The following MYO16 variants were observed in gnomAD, a reference collection of about 807,000 sequenced individuals.
MYO16 encodes unconventional myosin-XVI.
A neutral mutation model predicts 205.3 loss-of-function variants in MYO16; 94 were observed. The observed-to-expected ratio is 0.46, with a 90% CI of 0.39 to 0.54. The LOEUF (loss-of-function observed/expected upper bound fraction) is 0.54, where lower values mean the gene tolerates loss of function less well. MYO16 is among the 20% of genes least tolerant of loss of function. The probability of loss-of-function intolerance (pLI) is 0.00; values close to 1 mark genes in which losing one functional copy is unlikely to be tolerated. For synonymous variants in MYO16, 988 were observed against 954.0 expected, an observed-to-expected ratio of 1.04 and a Z score of -0.66; for missense variants, 2,315 against 2,387.5, an observed-to-expected ratio of 0.97 and a Z score of 0.63.
intron 20 of MYO16, among the ~76,000 whole-genome samples, chr13:108,971,930 G>A (rs1884028606): frequency 6.6e-6 from 1 of 151,768 alleles, no homozygotes; most frequent in Admixed American, 6.6e-5. Context: ...GCTAGGCGTG[G>A]TGGCTCATGC....
intron 25 of MYO16, among the ~76,000 whole-genome samples, chr13:109,053,556 A>G (rs1222920706): frequency 6.6e-6 from 1 of 152,006 alleles, no homozygotes; most frequent in Non-Finnish European, 1.5e-5. Context: ...AGCAAAAACC[A>G]TCACACACTG....
chr13:108,979,323 A>G (rs929041806), intron 20 of MYO16, among the ~76,000 whole-genome samples: 6 of 151,810 alleles, frequency 4.0e-5, no homozygotes, highest in South Asian at 2.1e-4. Context: ...ATAAAGTATC[A>G]TCTCCTAAAT....
chr13:108,497,171 T>C, the MYO16 span, among the ~76,000 whole-genome samples: 6 of 152,278 alleles, frequency 3.9e-5, no homozygotes, highest in East Asian at 3.9e-4. Flanking sequence ...AGCCACATGA[T>C]TGAGGAGGGG....
chr13:109,195,390 T>G (rs1886085), intron 34 of MYO16, among the ~76,000 whole-genome samples: 34,014 of 152,094 alleles, frequency 0.22, 3,997 homozygotes, highest in Middle Eastern at 0.25. Flanking sequence ...ACAAGTGCTA[T>G]TTTGACTTTC....
At chr13:108,863,347 A>G (rs1878544434) in intron 11 of MYO16, among the ~76,000 whole-genome samples, 1 of 152,092 alleles carries the variant, frequency 6.6e-6, no homozygotes, top group Non-Finnish European at 1.5e-5. Flanking sequence ...ATTACTTTTC[A>G]TTAGATTAAG....
At chr13:108,655,199 A>G (rs1038460401) in intron 1 of MYO16, among the ~76,000 whole-genome samples, 6 of 152,204 alleles carry the variant, frequency 3.9e-5, no homozygotes, top group African/African-American at 1.4e-4. Flanking sequence ...AGGAAAAAAC[A>G]AAGGTTTCAT....
rs1344613683 is a variant in MYO16, at chr13:109,022,289, ATAATATACAAATATATATTTATATAT to A, written c.2796+2381_2796+2406del. Among the ~76,000 whole-genome samples, 43 of 125,040 alleles carry A rather than the reference ATAATATACAAATATATATTTATATAT, an allele frequency of 3.4e-4. 1 individual carries two copies. The highest frequency in any genetic ancestry group is 1.3e-3 in the African/African-American group (40 of 30,130). 82.0% of individuals were successfully genotyped at this position (125,040 alleles called of 152,430 possible). On this transcript the variant is annotated intron_variant, in intron 23 of 34. Coordinates refer to ENST00000457511, the MANE Select transcript of MYO16 (RefSeq NM_001198950.3). ...CATATACATATTTATATATACAAAT[ATAATATACAAATATATATTTATATAT>A]TATATACAAATATATATTTATATAT...
At chr13:109,169,983 A>G (rs2139890670) in intron 33 of MYO16, among the ~76,000 whole-genome samples, 1 of 152,348 alleles carries the variant, frequency 6.6e-6, no homozygotes, top group Non-Finnish European at 1.5e-5. Flanking sequence ...TATACACACA[A>G]CAATTCCTGA....
chr13:108,913,712 G>T (rs1474305037), intron 16 of MYO16, among the ~76,000 whole-genome samples: 4 of 152,190 alleles, frequency 2.6e-5, no homozygotes, highest in Non-Finnish European at 4.4e-5. Context: ...GCTGGAGGAG[G>T]ACTCCGTGCT....
intron 2 of MYO16, among the ~76,000 whole-genome samples, chr13:108,688,055 T>G (rs1409489046): frequency 1.3e-5 from 2 of 152,212 alleles, no homozygotes; most frequent in East Asian, 3.8e-4. Flanking sequence ...ATGTAGAGTT[T>G]ACTCTTAGAG....
At chr13:108,642,882 T>A (rs1246043250) in intron 1 of MYO16, among the ~76,000 whole-genome samples, 2 of 152,222 alleles carry the variant, frequency 1.3e-5, no homozygotes, top group Non-Finnish European at 2.9e-5. Flanking sequence ...TGACAGCACA[T>A]AACTGAATCC....
chr13:109,046,262 A>C (rs977414053), intron 23 of MYO16, among the ~76,000 whole-genome samples: 3 of 152,208 alleles, frequency 2.0e-5, no homozygotes, highest in Admixed American at 6.5e-5. Context: ...ATGGCTGATC[A>C]GCTTCCCATG....
At chr13:108,886,198 A>G (rs1391880090) in intron 13 of MYO16, among the ~76,000 whole-genome samples, 2 of 152,096 alleles carry the variant, frequency 1.3e-5, no homozygotes, top group Non-Finnish European at 2.9e-5. Context: ...CGTGTTAGCC[A>G]GGATGGTCTC....
intron 27 of MYO16, among the ~76,000 whole-genome samples, chr13:109,091,494 C>T (rs1375705147): frequency 6.6e-6 from 1 of 152,106 alleles, no homozygotes; most frequent in Non-Finnish European, 1.5e-5. Context: ...ATCTTGATGC[C>T]ATCGTAATCT....
At chr13:109,099,534 T>C (rs28607128) in intron 27 of MYO16, among the ~76,000 whole-genome samples, 37 of 152,134 alleles carry the variant, frequency 2.4e-4, no homozygotes, top group African/African-American at 8.9e-4. Context: ...TCCACCCTCA[T>C]GACTTAATCA....
At chr13:108,613,040 A>G (rs1879231749) in intron 1 of MYO16, among the ~76,000 whole-genome samples, 1 of 152,166 alleles carries the variant, frequency 6.6e-6, no homozygotes, top group African/African-American at 2.4e-5. Context: ...CAAAAAGTAA[A>G]GCTAAGTGTA....
At chr13:109,163,888 G>A (rs1390273875) in intron 32 of MYO16, 1 of 152,136 alleles carries the variant, frequency 6.6e-6, no homozygotes, top group Non-Finnish European at 1.5e-5. Flanking sequence ...GTATAATAAA[G>A]CAAATGATGT....
chr13:108,684,484 TTGTGGATC>T (rs1882593859), intron 2 of MYO16, among the ~76,000 whole-genome samples: 1 of 152,186 alleles, frequency 6.6e-6, no homozygotes, highest in South Asian at 2.1e-4. Flanking sequence ...CTGTGTCTAT[TTGTGGATC>T]TGTGGATCTG....
intron 23 of MYO16, among the ~76,000 whole-genome samples, chr13:109,032,018 TGTG>T (rs1465219942): frequency 6.6e-6 from 1 of 152,194 alleles, no homozygotes; most frequent in Non-Finnish European, 1.5e-5. Flanking sequence ...ATTGTTTCAC[TGTG>T]GTTTCCTGCA....
Sources: allele counts gnomAD v4.1 joint callset (sites outside exome capture counted in the v4.1 genomes callset), GRCh38; gene constraint gnomAD v4.1.1; transcripts MANE v1.5; gene names NCBI Gene and HGNC (gene_info 2026-07-23, HGNC 2026-07-21).